IL17RB: variants seen among roughly 807,000 people sequenced by gnomAD.
The protein encoded by IL17RB is interleukin 17 receptor B, also known as interleukin-17 receptor B.
A neutral mutation model predicts 43.9 loss-of-function variants in IL17RB; 36 were observed. The observed-to-expected ratio is 0.82, with a 90% CI of 0.63 to 1.08. The LOEUF (loss-of-function observed/expected upper bound fraction) is 1.08, where lower values mean the gene tolerates loss of function less well. IL17RB is among the 50% of genes least tolerant of loss of function. The probability of loss-of-function intolerance (pLI) is 0.00; values close to 1 mark genes in which losing one functional copy is unlikely to be tolerated. For synonymous variants in IL17RB, 225 were observed against 225.4 expected (o/e 1.00, Z 0.02); for missense variants, 613 against 613.6 (o/e 1.00, Z 0.01).
chr3:53,857,959 G>C (rs1023242974), intron 8 of IL17RB: 1 of 440,334 alleles, frequency 2.3e-6, no homozygotes, highest in African/African-American at 2.0e-5. Flanking sequence ...AGACACTCAG[G>C]GATAGCAGTA....
intron 1 of IL17RB, 54 bp from the exon 2 acceptor site, chr3:53,848,610 A>G: frequency 6.3e-7 from 1 of 1,586,354 alleles, no homozygotes; most frequent in Non-Finnish European, 8.6e-7. Context: ...TTGGCAAAGG[A>G]AAGCTTGTGG....
chr3:53,848,009 C>T (rs1421689784), intron 1 of IL17RB, among the ~76,000 whole-genome samples: 3 of 152,112 alleles, frequency 2.0e-5, no homozygotes, highest in Admixed American at 6.6e-5. Context: ...TGCCTAAAGC[C>T]CCAATATTTT....
chr3:53,850,317 C>T (rs1242238331), intron 3 of IL17RB, among the ~76,000 whole-genome samples: 6 of 143,982 alleles, frequency 4.2e-5, no homozygotes, highest in East Asian at 2.1e-4. Flanking sequence ...GCCAACATGG[C>T]AAAACCCCAT....
At chr3:53,860,105 G>A in intron 9 of IL17RB, 25 bp from the exon 10 acceptor site, 1 of 1,548,452 alleles carries the variant, frequency 6.5e-7, no homozygotes, top group Non-Finnish European at 8.9e-7. Flanking sequence ...GTTTTCCAAA[G>A]GTGAATAAGC....
At chr3:53,850,966 T>C (rs1699123205) in intron 3 of IL17RB, among the ~76,000 whole-genome samples, 1 of 152,168 alleles carries the variant, frequency 6.6e-6, no homozygotes, top group African/African-American at 2.4e-5. Flanking sequence ...GTGTGTACTT[T>C]TCTGTGTATG....
chr3:53,852,219 G>T, intron 4 of IL17RB, 93 bp downstream of exon 4: 1 of 1,146,004 alleles, frequency 8.7e-7, no homozygotes. Context: ...ATGGCTCACT[G>T]CGACCTCAAT....
chr3:53,850,495 G>A (rs1400531653), intron 3 of IL17RB, among the ~76,000 whole-genome samples: 1 of 118,272 alleles, frequency 8.5e-6, no homozygotes, highest in Non-Finnish European at 1.7e-5. Flanking sequence ...GTGAAACTCC[G>A]TCTCAAAAAA....
At chr3:53,849,979 C>T (rs1389740763) in intron 3 of IL17RB, among the ~76,000 whole-genome samples, 184 bp downstream of exon 3, 1 of 152,204 alleles carries the variant, frequency 6.6e-6, no homozygotes, top group Non-Finnish European at 1.5e-5. Context: ...TTAGAAAGCA[C>T]TCAAATGCCC....
At position 53,858,501 on chromosome 3, in the gene IL17RB, G is replaced by T. The variant is rs192834300; in HGVS notation, c.748-218G>T. 1.2e-3 allele frequency: 1,745 copies of T among 1,400,848 alleles called. 4 individuals are homozygous for T. Among genetic ancestry groups the T allele is most frequent in the Admixed American group, 2.4e-3 (81 of 33,824 alleles). 86.8% of individuals were successfully genotyped at this position (1,400,848 alleles called of 1,614,324 possible). ...TGTTAGTAACGTGTACAAAGTTTAG[G>T]TTCAGACCCCGGGAGTCTTGGGCAC... On this transcript the variant is annotated intron_variant, in intron 8 of 10. Transcript: ENST00000288167.
chr3:53,850,676 A>C (rs369652714), intron 3 of IL17RB, among the ~76,000 whole-genome samples: 1 of 151,962 alleles, frequency 6.6e-6, no homozygotes, highest in African/African-American at 2.4e-5. Context: ...ATGGTGGCAC[A>C]TGCCTGTAAT....
At chr3:53,862,326 CTA>C (rs1365439985) in intron 10 of IL17RB, among the ~76,000 whole-genome samples, 1 of 152,184 alleles carries the variant, frequency 6.6e-6, no homozygotes, top group Non-Finnish European at 1.5e-5. Flanking sequence ...ATTGTCAACA[CTA>C]TGGACGAGAA....
At chr3:53,864,428 G>A (rs1699698842) in intron 10 of IL17RB, among the ~76,000 whole-genome samples, 2 of 152,048 alleles carry the variant, frequency 1.3e-5, no homozygotes, top group African/African-American at 4.8e-5. Context: ...CCAGCTACTC[G>A]GGAGGCTGAG....
chr3:53,847,065 C>T (rs1203522156), intron 1 of IL17RB, among the ~76,000 whole-genome samples: 2 of 152,194 alleles, frequency 1.3e-5, no homozygotes, highest in African/African-American at 4.8e-5. Flanking sequence ...TTAGTACCCC[C>T]TCCCTTTTTG....
chr3:53,865,031 G>A lies in IL17RB; in HGVS notation c.1232G>A (p.Ser411Asn). 1 of 1,614,190 alleles carries A rather than the reference G, an allele frequency of 6.2e-7. No homozygotes were observed. ...NSVCDGTCGK[S>N]EGSPSENSQD... is the part of the protein sequence containing the mutation. Reference sequence around the variant, plus strand: ...GTGTGCGATGGTACCTGTGGCAAGAGCGAGGGCAGTCCCAGTGAGAACTCT... The same window carrying A: ...GTGTGCGATGGTACCTGTGGCAAGAACGAGGGCAGTCCCAGTGAGAACTCT... The change falls in exon 11 of 11, where the codon AGC (serine) becomes AAC (asparagine). Residue 411 changes from serine (S) to asparagine (N), a missense_variant. Transcript: ENST00000288167.
Position 53,864,536 on chromosome 3 carries a change from A to G in IL17RB, c.947-210A>G, listed in dbSNP as rs1183339975. On this transcript the variant is annotated intron_variant, in intron 10 of 10. Coordinates refer to ENST00000288167, the MANE Select transcript of IL17RB (RefSeq NM_018725.4). The stretch of plus-strand genomic sequence containing the variant: ...GGCGACAGAGTGAGACTATGTCTCC[A>G]AAAAAAAAAAAGTTAAGGTTTAAGC... Among the ~76,000 whole-genome samples, 5 of 144,854 alleles carry G rather than the reference A, an allele frequency of 3.5e-5. No homozygotes were observed. In the East Asian group the frequency reaches 7.9e-4, roughly 23 times the overall value.
rs780031075 is a variant in IL17RB, at chr3:53,846,671, T to C, written c.60+23T>C. On this transcript the variant is annotated intron_variant, in intron 1 of 10. Coordinates refer to ENST00000288167, the MANE Select transcript of IL17RB (RefSeq NM_018725.4). ...CCGGTAAGCCCCCGCCAGCACCTCT[T>C]CCCTCATCTCCCGGCCCTCGAGCCC... 3.8e-6 allele frequency: 6 copies of C among 1,574,384 alleles called. No individual in the cohort carries two copies. The South Asian group carries it at 6.9e-5, about 18-fold the overall frequency.
Position 53,846,579 on chromosome 3 carries a change from T to C in IL17RB, c.-10T>C. On this transcript the variant is annotated 5_prime_UTR_variant, in exon 1 of 11. Transcript: ENST00000288167. ...TGCGGGTGGCCTGGATCCCGCGCAG[T>C]GGCCCGGCGATGTCGCTCGTGCTGC... 6.4e-7 allele frequency: 1 copy of C among 1,573,574 alleles called. No individual in the cohort carries two copies. The highest frequency in any genetic ancestry group is 8.6e-7 in the Non-Finnish European group (1 of 1,165,490).
Position 53,865,080 on chromosome 3 carries a change from T to C in IL17RB, c.1281T>C (p.Phe427=). 6.2e-7 allele frequency: 1 copy of C among 1,614,166 alleles called. No individual in the cohort carries two copies. The highest frequency in any genetic ancestry group is 8.5e-7 in the Non-Finnish European group (1 of 1,179,970). The part of the protein sequence containing the change: ...ENSQDLFPLA[F]NLFCSDLRSQ... Reference sequence around the variant, plus strand: ...CTCAAGACCTCTTCCCCCTTGCCTTTAACCTTTTCTGCAGTGATCTAAGAA... The same window carrying C: ...CTCAAGACCTCTTCCCCCTTGCCTTCAACCTTTTCTGCAGTGATCTAAGAA... Residue 427 remains phenylalanine, a synonymous_variant, in exon 11 of 11, where the codon TTT becomes TTC. Coordinates refer to ENST00000288167, the MANE Select transcript of IL17RB (RefSeq NM_018725.4).
rs752109792 is a variant in IL17RB at position 53,865,168 on chromosome 3, T to C, written c.1369T>C (p.Tyr457His). 26 of 1,614,178 alleles carry C rather than the reference T, an allele frequency of 1.6e-5. No individual in the cohort carries two copies. The highest frequency in any genetic ancestry group is 1.9e-5 in the Non-Finnish European group (23 of 1,180,030). Residue 457 changes from tyrosine to histidine, a missense_variant, in exon 11 of 11, where the codon TAC (tyrosine) becomes CAC (histidine). Physicochemically the swap from Tyr to His is moderately conservative, Grantham distance 83. Transcript: ENST00000288167. The stretch of plus-strand genomic sequence containing the variant: ...TAGAGAGATTGATACAAAAGACGAT[T>C]ACAATGCTCTCAGTGTCTGCCCCAA... ...YFREIDTKDD[Y>H]NALSVCPKYH...
Sources: allele counts gnomAD v4.1 joint callset (sites outside exome capture counted in the v4.1 genomes callset), GRCh38; gene constraint gnomAD v4.1.1; transcripts MANE v1.5; gene names NCBI Gene and HGNC (gene_info 2026-07-23, HGNC 2026-07-21).